Variants in PKHD1 observed in about 807,000 individuals in gnomAD.
PKHD1 encodes fibrocystin.
PKHD1 carries 291 observed loss-of-function variants against 412.0 expected under a neutral mutation model. The observed-to-expected ratio is 0.71, with a 90% confidence interval of 0.64 to 0.78. The LOEUF (loss-of-function observed/expected upper bound fraction) is 0.78. Among genes scored for constraint, PKHD1 ranks in the 30% least tolerant of loss-of-function variants. PKHD1 has a pLI of 0.00. For synonymous variants in PKHD1, 1,777 were observed against 1,821.5 expected (o/e 0.98, Z 0.62); for missense variants, 4,825 against 4,950.7 (o/e 0.97, Z 0.76).
intron 35 of PKHD1, among the ~76,000 whole-genome samples, chr6:51,965,415 A>G (rs566385530): frequency 1.9e-4 from 29 of 152,232 alleles, no homozygotes; most frequent in Non-Finnish European, 1.5e-5. Context: ...AAAACAAAAG[A>G]TAGTGTAGAA....
In PKHD1 at chr6:52,059,918, C is replaced by G. The variant is rs751322231; in HGVS notation, c.1233+10G>C. On this transcript the variant is annotated intron_variant, in intron 15 of 66. Coordinates refer to ENST00000371117, the MANE Select transcript of PKHD1 (RefSeq NM_138694.4). ...AACAGAGAAAAGGAAAATGAGAAGA[C>G]AGTGAATACCTTAGTCCTTGGTTCC... The G allele has an allele frequency of 3.2e-6, 4 of 1,243,324 alleles. No homozygotes were observed. Among genetic ancestry groups the G allele is most frequent in the Non-Finnish European group, 4.8e-6 (4 of 840,822 alleles). 77.0% of individuals were successfully genotyped at this position (1,243,324 alleles called of 1,614,324 possible).
intron 7 of PKHD1, 149 bp from the exon 8 acceptor site, chr6:52,072,338 T>C: frequency 1.5e-6 from 1 of 686,914 alleles, no homozygotes; most frequent in Non-Finnish European, 2.6e-6. Context: ...AAGGCGGATG[T>C]CAAGTCAAAT....
Position 51,659,999 on chromosome 6 carries a change from T to C in PKHD1, c.10157-30A>G, listed in dbSNP as rs754969837. The C allele has an allele frequency of 1.2e-5, 15 of 1,280,346 alleles. No homozygotes were observed. In the East Asian group the frequency reaches 3.1e-4, roughly 26 times the overall value. 79.3% of individuals were successfully genotyped at this position (1,280,346 alleles called of 1,614,324 possible). Reference sequence around the variant, plus strand: ...AAAAGAAAAGAAGCAAAACAAGTGATATATGAATTATAATCTGTCAATGAT... The same window carrying C: ...AAAAGAAAAGAAGCAAAACAAGTGACATATGAATTATAATCTGTCAATGAT... On this transcript the variant is annotated intron_variant, in intron 60 of 66. Transcript: ENST00000371117.
At chr6:51,984,988 A>T (rs1437586051) in intron 35 of PKHD1, among the ~76,000 whole-genome samples, 1 of 151,936 alleles carries the variant, frequency 6.6e-6, no homozygotes, top group African/African-American at 2.4e-5. Context: ...GTCCAAAGAT[A>T]TTTTTGTCAT....
chr6:51,902,690 A>T (rs1422113608), intron 43 of PKHD1, among the ~76,000 whole-genome samples: 2 of 152,208 alleles, frequency 1.3e-5, no homozygotes, highest in African/African-American at 4.8e-5. Flanking sequence ...CCTTTGATAG[A>T]AGATCCATGG....
chr6:51,981,438 C>T (rs1172634005), intron 35 of PKHD1, among the ~76,000 whole-genome samples: 1 of 151,912 alleles, frequency 6.6e-6, no homozygotes, highest in East Asian at 1.9e-4. Context: ...CTCACTGCAG[C>T]CTCCCTGCCT....
At chr6:51,837,767 A>G (rs58441343) in intron 50 of PKHD1, among the ~76,000 whole-genome samples, 3,262 of 152,208 alleles carry the variant, frequency 0.021, 115 homozygotes, top group African/African-American at 0.074. Flanking sequence ...TACAAAGAAA[A>G]TGATCCCCAA....
chr6:52,038,151 G>A (rs2128173206), intron 27 of PKHD1, among the ~76,000 whole-genome samples: 3 of 152,284 alleles, frequency 2.0e-5, no homozygotes, highest in Middle Eastern at 6.8e-3. Context: ...GGAGGCCGAG[G>A]CAGGCAGATC....
intron 52 of PKHD1, among the ~76,000 whole-genome samples, chr6:51,794,774 GA>G (rs1271474629): frequency 6.6e-6 from 1 of 152,168 alleles, no homozygotes; most frequent in Non-Finnish European, 1.5e-5. Flanking sequence ...TTATTAAACA[GA>G]ATATTCTTCC....
intron 49 of PKHD1, among the ~76,000 whole-genome samples, chr6:51,851,039 A>T (rs1339700047): frequency 1.3e-5 from 2 of 152,168 alleles, no homozygotes; most frequent in Non-Finnish European, 2.9e-5. Context: ...GGTTGGTCAT[A>T]AATAGCTGTT....
intron 52 of PKHD1, among the ~76,000 whole-genome samples, chr6:51,820,464 T>C (rs1766208844): frequency 6.6e-6 from 1 of 152,170 alleles, no homozygotes; most frequent in African/African-American, 2.4e-5. Context: ...GAAACTACGA[T>C]ACCTATTAGA....
At chr6:52,047,002 T>C (rs1377615355) in intron 23 of PKHD1, among the ~76,000 whole-genome samples, 1 of 152,248 alleles carries the variant, frequency 6.6e-6, no homozygotes, top group Non-Finnish European at 1.5e-5. Flanking sequence ...AAAATATCAC[T>C]GCGTTTCTAA....
intron 60 of PKHD1, among the ~76,000 whole-genome samples, chr6:51,664,922 C>A (rs1773476670): frequency 6.6e-6 from 1 of 151,984 alleles, no homozygotes; most frequent in African/African-American, 2.4e-5. Flanking sequence ...TAATTAGTAT[C>A]TTCTTATTTA....
chr6:52,036,612 C>T (rs550068226), intron 27 of PKHD1, among the ~76,000 whole-genome samples: 1 of 152,174 alleles, frequency 6.6e-6, no homozygotes, highest in Non-Finnish European at 1.5e-5. Flanking sequence ...TCTACAAAAT[C>T]TGATGAAAAC....
chr6:51,815,796 G>A (rs183806834), intron 52 of PKHD1, among the ~76,000 whole-genome samples: 5 of 152,064 alleles, frequency 3.3e-5, no homozygotes, highest in East Asian at 1.9e-4. Flanking sequence ...TTCTGTAAAG[G>A]TTAACTTATT....
chr6:51,694,267 A>G (rs1440516749), intron 60 of PKHD1, among the ~76,000 whole-genome samples: 1 of 152,058 alleles, frequency 6.6e-6, no homozygotes, highest in Non-Finnish European at 1.5e-5. Context: ...TGGATAATCT[A>G]ATTTTACTGA....
Position 51,848,331 on chromosome 6 carries a change from C to G in PKHD1, c.7912-361G>C, listed in dbSNP as rs542499900. On this transcript the variant is annotated intron_variant, in intron 49 of 66. Coordinates refer to ENST00000371117, the MANE Select transcript of PKHD1 (RefSeq NM_138694.4). ...ACAAGGCCAGGTCTAGAATTCCTTT[C>G]CAGCTTTTCCCACGACTTGAAGCGA... Among the ~76,000 whole-genome samples the G allele has an allele frequency of 1.3e-3, 200 of 152,306 alleles. 1 individual carries two copies. The highest frequency in any genetic ancestry group is 4.6e-3 in the African/African-American group (190 of 41,572).
chr6:52,033,424 C>T (rs916353932), intron 28 of PKHD1, among the ~76,000 whole-genome samples: 8 of 151,980 alleles, frequency 5.3e-5, no homozygotes, highest in African/African-American at 1.9e-4. Flanking sequence ...TAATGACATG[C>T]TGTAAGGGGT....
intron 60 of PKHD1, among the ~76,000 whole-genome samples, chr6:51,727,093 A>T (rs934733479): frequency 2.6e-5 from 4 of 152,212 alleles, no homozygotes; most frequent in African/African-American, 9.6e-5. Flanking sequence ...AGGCAGCCCT[A>T]GAAGTTGAGC....
Sources: allele counts gnomAD v4.1 joint callset (sites outside exome capture counted in the v4.1 genomes callset), GRCh38; gene constraint gnomAD v4.1.1; transcripts MANE v1.5; gene names NCBI Gene and HGNC (gene_info 2026-07-23, HGNC 2026-07-21).